SCN7A: variants seen among roughly 807,000 people sequenced by gnomAD.
SCN7A encodes sodium voltage-gated channel alpha subunit 7.
In SCN7A, 138 loss-of-function variants were observed where a neutral mutation model predicts 155.2. That is an observed-to-expected ratio of 0.89 (90% CI 0.77 to 1.02). The LOEUF is 1.02. SCN7A is among the 50% of genes least tolerant of loss of function. SCN7A has a pLI of 0.00. For missense variants in SCN7A, 2,058 were observed against 1,986.6 expected (o/e 1.04, Z -0.68); for synonymous variants, 693 against 649.0 (o/e 1.07, Z -1.03).
chr2:166,492,279 A>G (rs530072129), intron 1 of SCN7A, among the ~76,000 whole-genome samples: 1 of 152,082 alleles, frequency 6.6e-6, no homozygotes, highest in Non-Finnish European at 1.5e-5. Context: ...TTCTTCTATT[A>G]CTTTAAACAT....
At chr2:166,449,853 C>T (rs1422540904) in intron 11 of SCN7A, among the ~76,000 whole-genome samples, 1 of 152,078 alleles carries the variant, frequency 6.6e-6, no homozygotes, top group Non-Finnish European at 1.5e-5. Context: ...AATTGGAATG[C>T]TTGTACACTG....
chr2:166,447,556 G>T, intron 12 of SCN7A, 56 bp downstream of exon 12: 1 of 1,153,000 alleles, frequency 8.7e-7, no homozygotes, highest in Non-Finnish European at 1.2e-6. Flanking sequence ...TTCTTTAAAA[G>T]TGAATTTTAT....
intron 15 of SCN7A, among the ~76,000 whole-genome samples, chr2:166,438,112 T>C (rs917343619): frequency 6.6e-6 from 1 of 152,184 alleles, no homozygotes; most frequent in African/African-American, 2.4e-5. Context: ...TCTTGAATTG[T>C]AGTTTCCATA....
At chr2:166,423,961 C>A (rs1358533) in intron 18 of SCN7A, among the ~76,000 whole-genome samples, 6 of 151,938 alleles carry the variant, frequency 3.9e-5, no homozygotes, top group Admixed American at 2.0e-4. Context: ...TTAATGTCAA[C>A]CTTAATTTGA....
chr2:166,424,794 G>C (rs1433319264), intron 18 of SCN7A, among the ~76,000 whole-genome samples: 1 of 152,012 alleles, frequency 6.6e-6, no homozygotes, highest in African/African-American at 2.4e-5. Context: ...GGGAACGATG[G>C]AAATCACAAA....
rs1250747394 is a variant in SCN7A, at chr2:166,409,921, T to A, written c.3726A>T (p.Gly1242=). ...PVPRPLNKLQ[G]FIFDVVTSQA... Reference sequence around the variant, plus strand: ...GGCTTGTTACCACATCAAAGATGAATCCTTGGAGCTTGTTCTGTGGGTAAA... The same window carrying A: ...GGCTTGTTACCACATCAAAGATGAAACCTTGGAGCTTGTTCTGTGGGTAAA... The change falls in exon 25 of 26, where the codon GGA becomes GGT. Residue 1242 remains glycine, a synonymous_variant. Transcript: ENST00000643258. The A allele has an allele frequency of 6.4e-7, 1 of 1,565,188 alleles. No individual in the cohort carries two copies. Among genetic ancestry groups the A allele is most frequent in the Admixed American group, 1.9e-5 (1 of 53,266 alleles).
chr2:166,465,713 T>C, intron 8 of SCN7A, 68 bp downstream of exon 8: 1 of 1,523,610 alleles, frequency 6.6e-7, no homozygotes, highest in Non-Finnish European at 9.1e-7. Flanking sequence ...GTTCAACATT[T>C]CTGGGAAGAC....
At chr2:166,460,320 T>C (rs1287901800) in intron 10 of SCN7A, among the ~76,000 whole-genome samples, 1 of 152,182 alleles carries the variant, frequency 6.6e-6, no homozygotes, top group Non-Finnish European at 1.5e-5. Context: ...TTATAGCATA[T>C]ACAGTGATAT....
chr2:166,463,835 C>T (rs922480729), intron 9 of SCN7A, among the ~76,000 whole-genome samples: 2 of 152,000 alleles, frequency 1.3e-5, no homozygotes, highest in African/African-American at 4.8e-5. Context: ...GTGGGTGGAT[C>T]GCTTAAGCCC....
chr2:166,442,452 A>G (rs1701981826), intron 14 of SCN7A, among the ~76,000 whole-genome samples: 2 of 152,130 alleles, frequency 1.3e-5, no homozygotes, highest in African/African-American at 2.4e-5. Flanking sequence ...CAGAAGCACA[A>G]TCATAGCTCA....
At position 166,445,403 on chromosome 2, in the gene SCN7A, C is replaced by T. The variant is rs577094579; in HGVS notation, c.1388-403G>A. On this transcript the variant is annotated intron_variant, in intron 12 of 25. Transcript: ENST00000643258. ...GAGGGAGGGAGGGAGGAAGGTTAAA[C>T]ATTCTCAAATTGTTTAAAGTTCTAA... 1.0e-3 allele frequency among the ~76,000 whole-genome samples: 152 copies of T among 152,064 alleles called. No individual in the cohort carries two copies. The Middle Eastern group carries it at 0.031, about 31-fold the overall frequency.
intron 15 of SCN7A, among the ~76,000 whole-genome samples, chr2:166,438,422 T>C (rs1172759046): frequency 1.3e-5 from 2 of 152,172 alleles, no homozygotes; most frequent in Non-Finnish European, 2.9e-5. Flanking sequence ...ATTAGCAGCA[T>C]GAGAGTGGAC....
In SCN7A at chr2:166,468,929, G is replaced by T. The variant is rs944901640; in HGVS notation, c.664+1686C>A. Among the ~76,000 whole-genome samples the T allele has an allele frequency of 2.0e-5, 3 of 151,236 alleles. No homozygotes were observed. In the Admixed American group the frequency reaches 2.0e-4, roughly 10 times the overall value. On this transcript the variant is annotated intron_variant, in intron 7 of 25. Coordinates refer to ENST00000643258, the MANE Select transcript of SCN7A (RefSeq NM_002976.4). ...TATGTTTCTTGCCCTTTTGCTTGAAGAATTTTATAATACTTTTATTCTTTA... is the reference window on the plus strand; with the variant it reads ...TATGTTTCTTGCCCTTTTGCTTGAATAATTTTATAATACTTTTATTCTTTA...
At chr2:166,491,637 CCTCA>C (rs960469628) in intron 1 of SCN7A, among the ~76,000 whole-genome samples, 8 of 151,700 alleles carry the variant, frequency 5.3e-5, no homozygotes, top group Admixed American at 3.3e-4. Context: ...GTTGGTTAGT[CCTCA>C]CTAACAGAAG....
rs766403071 is a variant in SCN7A at position 166,406,324 on chromosome 2, A to C, written c.4305T>G (p.Gly1435=). The C allele has an allele frequency of 1.3e-5, 21 of 1,613,030 alleles. No homozygotes were observed. The South Asian group carries it at 2.2e-4, about 17-fold the overall frequency. Residue 1435 remains glycine (G), a synonymous_variant, in exon 26 of 26, where the codon GGT becomes GGG. Transcript: ENST00000643258. ...AAATTGCATCAAGCATCCCATCCCAACCAGCAAATATTGCAACTTGAAAAA... is the reference window on the plus strand; with the variant it reads ...AAATTGCATCAAGCATCCCATCCCACCCAGCAAATATTGCAACTTGAAAAA... ...LCLFQVAIFA[G]WDGMLDAIFN...
At chr2:166,437,866 C>T (rs896573618) in intron 15 of SCN7A, among the ~76,000 whole-genome samples, 1 of 152,078 alleles carries the variant, frequency 6.6e-6, no homozygotes, top group Non-Finnish European at 1.5e-5. Context: ...CAATGCCTTA[C>T]CCACATTGTA....
chr2:166,448,372 T>C (rs754462115), intron 11 of SCN7A, among the ~76,000 whole-genome samples: 2 of 152,214 alleles, frequency 1.3e-5, no homozygotes, highest in Non-Finnish European at 2.9e-5. Flanking sequence ...GACACTTAAG[T>C]TTATTCATGT....
intron 20 of SCN7A, among the ~76,000 whole-genome samples, chr2:166,420,290 G>A (rs1199824320): frequency 6.6e-6 from 1 of 151,850 alleles, no homozygotes; most frequent in Non-Finnish European, 1.5e-5. Context: ...AGGGATAAAG[G>A]TTAAACGTTA....
At chr2:166,437,437 G>A (rs558987863) in intron 15 of SCN7A, among the ~76,000 whole-genome samples, 5 of 152,332 alleles carry the variant, frequency 3.3e-5, no homozygotes, top group African/African-American at 1.2e-4. Flanking sequence ...AGCTCTCATG[G>A]AGAACCTCTG....
Sources: gnomAD v4.1 joint callset for allele counts (sites outside exome capture counted in the v4.1 genomes callset) on GRCh38, gnomAD v4.1.1 for gene constraint, MANE v1.5 for transcripts, NCBI Gene and HGNC (gene_info 2026-07-23, HGNC 2026-07-21) for gene names.